The following ATRX variants were observed in gnomAD, a reference collection of about 807,000 sequenced individuals.
ATRX encodes the protein chromatin remodeler ATRX.
In ATRX, 12 loss-of-function variants were observed where a neutral mutation model predicts 172.6. That is an observed-to-expected ratio of 0.07 (90% CI 0.04 to 0.11). The LOEUF (loss-of-function observed/expected upper bound fraction) is 0.11, where lower values mean the gene tolerates loss of function less well. ATRX is among the 10% of genes least tolerant of loss of function. The pLI, the probability that ATRX is intolerant of heterozygous loss-of-function variation, is 1.00. For missense variants in ATRX, 1,368 were observed against 1,767.4 expected (o/e 0.77, Z 4.05); for synonymous variants, 674 against 594.7 (o/e 1.13, Z -1.94).
chrX:77,588,559 G>C (rs782130971), intron 27 of ATRX, among the ~76,000 whole-genome samples: 3 of 111,223 alleles, frequency 2.7e-5, no homozygotes, highest in Non-Finnish European at 5.7e-5. Context: ...TTCAGCCCAG[G>C]AGTTCAAGAC....
At chrX:77,664,906 T>A in intron 10 of ATRX, 128 bp from the exon 11 acceptor site, 1 of 675,087 alleles carries the variant, frequency 1.5e-6, no homozygotes, top group Non-Finnish European at 2.1e-6. Context: ...ATATTGTAAA[T>A]AAACAACTAG....
intron 1 of ATRX, 168 bp downstream of exon 1, chrX:77,785,814 C>T: frequency 1.3e-6 from 1 of 765,172 alleles, no homozygotes; most frequent in Middle Eastern, 3.9e-4. Context: ...CCCGTCGGAG[C>T]CTTGCGCCGA....
At chrX:77,726,118 A>C (rs2074021774) in intron 1 of ATRX, among the ~76,000 whole-genome samples, 1 of 111,729 alleles carries the variant, frequency 9.0e-6, no homozygotes, top group Non-Finnish European at 1.9e-5. Flanking sequence ...CCACCCCATT[A>C]CTGGGTATAT....
intron 12 of ATRX, among the ~76,000 whole-genome samples, chrX:77,663,028 CA>C (rs1325485453): frequency 9.0e-6 from 1 of 111,604 alleles, no homozygotes; most frequent in Non-Finnish European, 1.9e-5. Flanking sequence ...AATTAGTTTA[CA>C]AAACCAGTAT....
intron 22 of ATRX, among the ~76,000 whole-genome samples, chrX:77,608,493 T>C (rs148575528): frequency 1.4e-4 from 16 of 111,172 alleles, no homozygotes; most frequent in Non-Finnish European, 2.1e-4. Flanking sequence ...GGGGAAAGGA[T>C]AGTCTCTTCA....
At chrX:77,662,687 A>ATT (rs572509462) in intron 12 of ATRX, among the ~76,000 whole-genome samples, 1 of 105,617 alleles carries the variant, frequency 9.5e-6, no homozygotes, top group African/African-American at 3.4e-5. Context: ...ATATGCTTAA[A>ATT]TTTTTTTTTT....
intron 6 of ATRX, chrX:77,691,190 C>T (rs1414204902): frequency 4.5e-5 from 5 of 112,022 alleles, no homozygotes; most frequent in Admixed American, 9.5e-5. Flanking sequence ...CATGCACACA[C>T]ATGCACATGC....
chrX:77,534,055 T>C (rs1557047518), intron 30 of ATRX, among the ~76,000 whole-genome samples: 1 of 112,151 alleles, frequency 8.9e-6, no homozygotes, highest in Admixed American at 9.5e-5. Flanking sequence ...CTTTATATGA[T>C]TATGCCAAAA....
rs1602886364 is a variant in ATRX at position 77,620,343 on chromosome X, A to G, written c.5272+52T>C. Reference sequence around the variant, plus strand: ...AGGTAAATGGTAACGTTACAAAAATATATCTGAGGAAATACCAATATTCTA... The same window carrying G: ...AGGTAAATGGTAACGTTACAAAAATGTATCTGAGGAAATACCAATATTCTA... On this transcript the variant is annotated intron_variant, in intron 20 of 34. Coordinates refer to ENST00000373344, the MANE Select transcript of ATRX (RefSeq NM_000489.6). The G allele has an allele frequency of 1.1e-5, 13 of 1,167,517 alleles. 1 individual carries two copies. In the South Asian group the frequency reaches 1.8e-4, roughly 16 times the overall value.
At chrX:77,773,092 T>TAAAAAAA (rs782649057) in intron 1 of ATRX, among the ~76,000 whole-genome samples, 74 of 37,327 alleles carry the variant, frequency 2.0e-3, no homozygotes, top group African/African-American at 2.3e-3. Context: ...AAATTTCAGC[T>TAAAAAAA]AAAAAAAAAA....
intron 15 of ATRX, 89 bp from the exon 16 acceptor site, chrX:77,636,145 G>C (rs2148362611): frequency 3.2e-6 from 3 of 926,519 alleles, no homozygotes; most frequent in Non-Finnish European, 4.7e-6. Context: ...CCAAAATATA[G>C]ACACATTTAC....
rs368111954 is a variant in ATRX at position 77,785,967 on chromosome X, G to T, written c.20+15C>A. 88 of 1,188,068 alleles carry T rather than the reference G, an allele frequency of 7.4e-5. No homozygotes were observed. Among genetic ancestry groups the T allele is most frequent in the Non-Finnish European group, 9.8e-5 (87 of 884,565 alleles). ...CCCAGACCGCTGGGGCCCATGAGAC[G>T]GGGTTGCGTTTTACCTCATGGGCTC... On this transcript the variant is annotated intron_variant, in intron 1 of 34. Coordinates refer to ENST00000373344, the MANE Select transcript of ATRX (RefSeq NM_000489.6).
At chrX:77,649,508 A>G (rs1557115673) in intron 15 of ATRX, among the ~76,000 whole-genome samples, 1 of 112,311 alleles carries the variant, frequency 8.9e-6, no homozygotes, top group Non-Finnish European at 1.9e-5. Context: ...CTTAGGACAC[A>G]AGGTCATTAT....
chrX:77,508,391 C>T lies in ATRX; in HGVS notation c.7439G>A (p.Arg2480Lys), dbSNP rs369871569. ...TTGGGAAGGTCCTGGATTTTTGCTT[C>T]TCATTGGGGGTGGTGCACGCTGTAA... ...PPLQRAPPPM[R>K]SKNPGPSQGK... Residue 2480 changes from arginine to lysine, a missense_variant, in exon 35 of 35, where the codon AGA becomes AAA. Around this residue, in one of 17 missense-constraint regions of ATRX, gnomAD observed 100 missense variants for 153.9 expected, o/e 0.65. Transcript: ENST00000373344. 2.8e-5 allele frequency: 34 copies of T among 1,209,533 alleles called. No homozygotes were observed. The highest frequency in any genetic ancestry group is 3.8e-5 in the Non-Finnish European group (34 of 895,077).
chrX:77,711,978 C>T (rs2073134710), intron 2 of ATRX, among the ~76,000 whole-genome samples: 1 of 112,340 alleles, frequency 8.9e-6, no homozygotes, highest in African/African-American at 3.2e-5. Context: ...ATCTGGAGTG[C>T]ACTTAGGCAA....
At chrX:77,784,501 G>A (rs2076668866) in intron 1 of ATRX, among the ~76,000 whole-genome samples, 1 of 111,865 alleles carries the variant, frequency 8.9e-6, no homozygotes, top group Non-Finnish European at 1.9e-5. Context: ...AAATCTAGAG[G>A]TCATAATTTA....
chrX:77,696,494 C>G, intron 5 of ATRX, 83 bp downstream of exon 5: 1 of 1,033,353 alleles, frequency 9.7e-7, no homozygotes, highest in Non-Finnish European at 1.3e-6. Flanking sequence ...ACATAGTTAA[C>G]AGTAATCAAG....
chrX:77,779,954 C>T (rs1824792410), intron 1 of ATRX, among the ~76,000 whole-genome samples: 1 of 111,723 alleles, frequency 9.0e-6, no homozygotes, highest in Non-Finnish European at 1.9e-5. Flanking sequence ...CAAAGACTTC[C>T]CAGCGCAAAA....
chrX:77,535,649 TA>T (rs1371583779), intron 30 of ATRX, among the ~76,000 whole-genome samples: 2 of 111,719 alleles, frequency 1.8e-5, no homozygotes, highest in Admixed American at 9.6e-5. Flanking sequence ...CTAACTCAAT[TA>T]TAGGTACAAT....
Sources: gnomAD v4.1 joint callset for allele counts (sites outside exome capture counted in the v4.1 genomes callset) on GRCh38, gnomAD v4.1.1 for gene constraint, gnomAD v4.1.1 regional missense constraint, MANE v1.5 for transcripts, NCBI Gene and HGNC (gene_info 2026-07-23, HGNC 2026-07-21) for gene names.